Variants in PRKG1 observed in about 807,000 individuals in gnomAD.
PRKG1 encodes the protein protein kinase cGMP-dependent 1, also known as cGMP-dependent protein kinase 1.
In PRKG1, 35 loss-of-function variants were observed where a neutral mutation model predicts 88.1. That is an observed-to-expected ratio of 0.40 (90% CI 0.30 to 0.53). The LOEUF is 0.53. PRKG1 is among the 20% of genes least tolerant of loss of function. The probability of loss-of-function intolerance (pLI) is 0.59; values close to 1 mark genes in which losing one functional copy is unlikely to be tolerated. For missense variants in PRKG1, 540 were observed against 839.8 expected (o/e 0.64, Z 4.41); for synonymous variants, 303 against 292.5 (o/e 1.04, Z -0.37).
At chr10:51,762,465 A>C (rs1480137699) in intron 3 of PRKG1, among the ~76,000 whole-genome samples, 4 of 152,196 alleles carry the variant, frequency 2.6e-5, no homozygotes, top group African/African-American at 9.6e-5. Flanking sequence ...TTTCTTTCAA[A>C]GGTATTGGAT....
intron 3 of PRKG1, among the ~76,000 whole-genome samples, chr10:51,604,674 A>G (rs1838708878): frequency 6.6e-6 from 1 of 152,228 alleles, no homozygotes. Flanking sequence ...ATCACAAGGC[A>G]TGTGACAGGG....
At chr10:51,869,207 CGT>C (rs1469646985) in intron 4 of PRKG1, among the ~76,000 whole-genome samples, 5 of 152,058 alleles carry the variant, frequency 3.3e-5, no homozygotes, top group African/African-American at 4.8e-5. Context: ...TGATACCAAC[CGT>C]ACTTCTCAGT....
Position 51,754,307 on chromosome 10 carries a change from G to A in PRKG1, c.593-50278G>A, listed in dbSNP as rs781641744. ...ATCTATCCTGGGACTTCACTTTTGC[G>A]CCTATTGATAATTCTCTGGCAATAC... On this transcript the variant is annotated intron_variant, in intron 3 of 17. Coordinates refer to ENST00000373980, the MANE Select transcript of PRKG1 (RefSeq NM_006258.4). 4.6e-5 allele frequency among the ~76,000 whole-genome samples: 7 copies of A among 152,168 alleles called. No homozygotes were observed. The South Asian group carries it at 6.2e-4, about 14-fold the overall frequency.
At chr10:51,611,371 A>G (rs532462254) in intron 3 of PRKG1, among the ~76,000 whole-genome samples, 65 of 151,974 alleles carry the variant, frequency 4.3e-4, no homozygotes, top group Non-Finnish European at 8.1e-4. Flanking sequence ...TTCCCTGATG[A>G]TTAATGATGT....
At chr10:51,494,102 C>G (rs2132877051) in intron 3 of PRKG1, among the ~76,000 whole-genome samples, 1 of 151,928 alleles carries the variant, frequency 6.6e-6, no homozygotes, top group South Asian at 2.1e-4. Context: ...GCTCTGTCTC[C>G]CAGGTTGGAG....
intron 2 of PRKG1, among the ~76,000 whole-genome samples, chr10:51,399,964 T>G (rs1472080094): frequency 6.6e-6 from 1 of 152,192 alleles, no homozygotes; most frequent in Non-Finnish European, 1.5e-5. Flanking sequence ...CTGCATGGCT[T>G]CCGTTCATTC....
chr10:51,200,464 A>G (rs1213946549), intron 2 of PRKG1, among the ~76,000 whole-genome samples: 1 of 152,232 alleles, frequency 6.6e-6, no homozygotes, highest in Non-Finnish European at 1.5e-5. Context: ...ATAGAGACAT[A>G]GAAAATGATT....
intron 2 of PRKG1, among the ~76,000 whole-genome samples, chr10:51,294,064 G>A (rs1237620132): frequency 6.6e-6 from 1 of 151,934 alleles, no homozygotes; most frequent in Admixed American, 6.6e-5. Flanking sequence ...AGTTTTAATA[G>A]AGTTTCTTTT....
intron 2 of PRKG1, among the ~76,000 whole-genome samples, chr10:51,291,843 A>G (rs1253295315): frequency 2.0e-5 from 3 of 152,042 alleles, no homozygotes; most frequent in Non-Finnish European, 4.4e-5. Flanking sequence ...TCTTACTCTT[A>G]TTTTTGCTTT....
chr10:51,701,786 C>T (rs949808036), intron 3 of PRKG1, among the ~76,000 whole-genome samples: 1 of 150,820 alleles, frequency 6.6e-6, no homozygotes, highest in African/African-American at 2.5e-5. Context: ...TTGCAAAATT[C>T]GTAGAAGATT....
chr10:51,780,622 A>G (rs1320019305), intron 3 of PRKG1, among the ~76,000 whole-genome samples: 2 of 152,118 alleles, frequency 1.3e-5, no homozygotes, highest in Non-Finnish European at 2.9e-5. Context: ...CCTATAATTG[A>G]GTCTGTCTCT....
intron 3 of PRKG1, among the ~76,000 whole-genome samples, chr10:51,584,907 A>G (rs966947796): frequency 1.1e-4 from 17 of 152,122 alleles, no homozygotes; most frequent in African/African-American, 4.1e-4. Context: ...AATTCAGTAC[A>G]AAGAAGAATT....
rs763046554 is a variant in PRKG1, at chr10:51,698,687, G to A, written c.593-105898G>A. ...GCCAACCCCTGGCATTCCAAGTTGG[G>A]GCTGCATTGCTCCTCCAGGAGTTAA... On this transcript the variant is annotated intron_variant, in intron 3 of 17. Coordinates refer to ENST00000373980, the MANE Select transcript of PRKG1 (RefSeq NM_006258.4). 6.8e-6 allele frequency: 11 copies of A among 1,614,074 alleles called. No homozygotes were observed. The Admixed American group carries it at 1.8e-4, about 27-fold the overall frequency.
intron 3 of PRKG1, among the ~76,000 whole-genome samples, chr10:51,489,207 A>G (rs1840637001): frequency 2.6e-5 from 4 of 152,178 alleles, no homozygotes; most frequent in Admixed American, 2.0e-4. Context: ...TGATAAGGGT[A>G]CAATAGAAAA....
intron 3 of PRKG1, among the ~76,000 whole-genome samples, chr10:51,547,403 T>C (rs1842467466): frequency 6.6e-6 from 1 of 152,120 alleles, no homozygotes; most frequent in South Asian, 2.1e-4. Context: ...AGTTCAAGTG[T>C]GGTTGAACGT....
At chr10:51,778,293 G>T (rs191372763) in intron 3 of PRKG1, among the ~76,000 whole-genome samples, 56 of 152,214 alleles carry the variant, frequency 3.7e-4, no homozygotes, top group South Asian at 6.2e-4. Context: ...TAGGGGTTCT[G>T]AGAACGTAGA....
At chr10:51,127,133 G>T (rs184542793) in intron 1 of PRKG1, among the ~76,000 whole-genome samples, 4 of 151,974 alleles carry the variant, frequency 2.6e-5, no homozygotes, top group Non-Finnish European at 5.9e-5. Context: ...AAACTAAAGC[G>T]CTTCTACACG....
chr10:51,742,643 T>C (rs1336069066), intron 3 of PRKG1, among the ~76,000 whole-genome samples: 1 of 152,106 alleles, frequency 6.6e-6, no homozygotes, highest in African/African-American at 2.4e-5. Context: ...GTGCTGAGTT[T>C]TACCTGGGTC....
At chr10:52,015,528 T>C (rs1192172726) in intron 5 of PRKG1, among the ~76,000 whole-genome samples, 2 of 151,990 alleles carry the variant, frequency 1.3e-5, no homozygotes, top group Non-Finnish European at 2.9e-5. Flanking sequence ...CCTGGAGACA[T>C]TTTTTTCCAT....
Sources: allele counts gnomAD v4.1 joint callset (sites outside exome capture counted in the v4.1 genomes callset), GRCh38; gene constraint gnomAD v4.1.1; transcripts MANE v1.5; gene names NCBI Gene and HGNC (gene_info 2026-07-23, HGNC 2026-07-21).